TRPA1: variants seen among roughly 807,000 people sequenced by gnomAD.
The protein encoded by TRPA1 is ankyrin-like with transmembrane domains 1.
In TRPA1, 129 loss-of-function variants were observed where a neutral mutation model predicts 131.3. The ratio of observed to expected loss-of-function variants is 0.98; its 90% CI spans 0.85 to 1.14. The LOEUF (loss-of-function observed/expected upper bound fraction) is 1.14. Among genes scored for constraint, TRPA1 ranks in the 50% most tolerant of loss-of-function variants. TRPA1 has a pLI of 0.00. For missense variants in TRPA1, 1,304 were observed against 1,354.2 expected (o/e 0.96, Z 0.58); for synonymous variants, 441 against 451.7 (o/e 0.98, Z 0.30).
chr8:72,036,564 G>A, intron 20 of TRPA1, 107 bp from the exon 21 acceptor site: 1 of 1,100,586 alleles, frequency 9.1e-7, no homozygotes. Context: ...GCAGCCAGCT[G>A]GGGAGAAGTT....
intron 7 of TRPA1, among the ~76,000 whole-genome samples, chr8:72,059,938 A>G (rs1805768329): frequency 6.6e-6 from 1 of 152,156 alleles, no homozygotes; most frequent in Non-Finnish European, 1.5e-5. Flanking sequence ...GAGAACTGAA[A>G]ACATTTTGGT....
Position 72,055,802 on chromosome 8 carries a change from A to G in TRPA1, c.1248T>C (p.Pro416=). Residue 416 remains proline (P), a synonymous_variant, in exon 11 of 27, where the codon CCT becomes CCC. Coordinates refer to ENST00000262209, the MANE Select transcript of TRPA1 (RefSeq NM_007332.3). ...CCCCCTGTCTACATGCATAATGTAG[A>G]GGAGTACACCCATCGTTGTCTTCAT... ...VMDEDNDGCT[P]LHYACRQGGP... is the part of the protein sequence containing the mutation. 1 of 1,613,496 alleles carries G rather than the reference A, an allele frequency of 6.2e-7. No homozygotes were observed. The highest frequency in any genetic ancestry group is 1.3e-5 in the African/African-American group (1 of 75,030).
At chr8:72,064,373 T>C (rs1805881025) in intron 4 of TRPA1, among the ~76,000 whole-genome samples, 1 of 151,828 alleles carries the variant, frequency 6.6e-6, no homozygotes, top group Non-Finnish European at 1.5e-5. Context: ...TATCATACAG[T>C]ATACACATAA....
the TRPA1 span, among the ~76,000 whole-genome samples, chr8:72,086,051 C>G: frequency 6.6e-6 from 1 of 152,078 alleles, no homozygotes; most frequent in South Asian, 2.1e-4. Context: ...CAAGCATCTG[C>G]CACCATGCTC....
Position 72,074,761 on chromosome 8 carries a change from AC to A in TRPA1, c.111+537del, listed in dbSNP as rs1206064832. Among the ~76,000 whole-genome samples the A allele has an allele frequency of 2.6e-5, 4 of 152,158 alleles. No homozygotes were observed. The East Asian group carries it at 7.8e-4, about 29-fold the overall frequency. ...CCCCACAGCGTTTCCTGAAGCTCCT[AC>A]CCCTGGAGAAGGAATTTGCCACTCC... On this transcript the variant is annotated intron_variant, in intron 1 of 26. Transcript: ENST00000262209.
At chr8:72,034,144 G>A in intron 22 of TRPA1, 104 bp downstream of exon 22, 1 of 1,207,916 alleles carries the variant, frequency 8.3e-7, no homozygotes, top group Non-Finnish European at 1.2e-6. Context: ...TTTGAATACT[G>A]TTGTTATGTA....
In TRPA1 at chr8:72,021,620, C is replaced by T. The variant is rs1811394547; in HGVS notation, c.*1286G>A. The T allele has an allele frequency of 6.8e-6, 1 of 146,232 alleles. No individual in the cohort carries two copies. The highest frequency in any genetic ancestry group is 1.5e-5 in the Non-Finnish European group (1 of 66,176). The allele number at this position is 146,232 out of a possible 1,614,324, so 9.1% of individuals were successfully genotyped here. ...TCAGCACTCTGCTGGTTTGTATGAA[C>T]ATCAGTATGTTTGAGAATGAGTGCA... On this transcript the variant is annotated 3_prime_UTR_variant, in exon 27 of 27. Transcript: ENST00000262209.
At chr8:72,066,603 T>C (rs1372933893) in intron 3 of TRPA1, among the ~76,000 whole-genome samples, 2 of 152,176 alleles carry the variant, frequency 1.3e-5, no homozygotes, top group Admixed American at 6.5e-5. Flanking sequence ...CAGATTTTAG[T>C]ACATAAGAAT....
At chr8:72,067,222 C>A (rs1805953443) in intron 3 of TRPA1, among the ~76,000 whole-genome samples, 1 of 152,052 alleles carries the variant, frequency 6.6e-6, no homozygotes, top group Non-Finnish European at 1.5e-5. Flanking sequence ...ACAGGCCGGA[C>A]CATGGGCATA....
At chr8:72,047,895 C>A (rs557080863) in intron 15 of TRPA1, among the ~76,000 whole-genome samples, 2 of 152,136 alleles carry the variant, frequency 1.3e-5, no homozygotes, top group Middle Eastern at 3.4e-3. Context: ...ACTGTGACAA[C>A]TTATTGTTCT....
intron 24 of TRPA1, among the ~76,000 whole-genome samples, chr8:72,026,324 A>T (rs1811608260): frequency 6.6e-6 from 1 of 152,238 alleles, no homozygotes; most frequent in South Asian, 2.1e-4. Flanking sequence ...GAAGTTGCTT[A>T]AAAAAGGAAT....
chr8:72,026,483 C>T (rs989631158), intron 24 of TRPA1, among the ~76,000 whole-genome samples: 11 of 152,120 alleles, frequency 7.2e-5, no homozygotes, highest in Admixed American at 4.6e-4. Flanking sequence ...AGTGTGAATG[C>T]GTGTGTGCAC....
At chr8:72,089,516 T>C in the TRPA1 span, among the ~76,000 whole-genome samples, 238 of 152,222 alleles carry the variant, frequency 1.6e-3, 1 homozygote, top group African/African-American at 5.5e-3. Flanking sequence ...GTATTTATCT[T>C]AAGCAGCTAA....
At position 72,036,115 on chromosome 8, in the gene TRPA1, G is replaced by C. The variant is rs573870047; in HGVS notation, c.2555+173C>G. 4.6e-5 allele frequency among the ~76,000 whole-genome samples: 7 copies of C among 150,924 alleles called. No individual in the cohort carries two copies. In the South Asian group the frequency reaches 1.5e-3, roughly 32 times the overall value. On this transcript the variant is annotated intron_variant, in intron 21 of 26. Coordinates refer to ENST00000262209, the MANE Select transcript of TRPA1 (RefSeq NM_007332.3). The stretch of plus-strand genomic sequence containing the variant: ...TGTGAGAAACCCTGATCTTCATTCT[G>C]AACTCTGGAACCATGCTCCAGCCTT...
chr8:72,082,879 T>A, the TRPA1 span, among the ~76,000 whole-genome samples: 1 of 152,006 alleles, frequency 6.6e-6, no homozygotes, highest in Non-Finnish European at 1.5e-5. Context: ...TCATAATTTC[T>A]TCAAATAATT....
At chr8:72,051,574 A>C (rs1805509872) in intron 14 of TRPA1, among the ~76,000 whole-genome samples, 1 of 152,206 alleles carries the variant, frequency 6.6e-6, no homozygotes, top group South Asian at 2.1e-4. Flanking sequence ...GAACACTTTC[A>C]TTAAAAGTGC....
intron 26 of TRPA1, 129 bp downstream of exon 26, chr8:72,023,685 G>A: frequency 1.6e-6 from 1 of 641,980 alleles, no homozygotes; most frequent in East Asian, 2.8e-5. Flanking sequence ...CAATACACTA[G>A]CTACAGCTAT....
chr8:72,068,520 A>C (rs544218036), intron 3 of TRPA1, among the ~76,000 whole-genome samples: 5 of 152,354 alleles, frequency 3.3e-5, no homozygotes, highest in African/African-American at 1.2e-4. Flanking sequence ...ACAAAAATAG[A>C]GAATCATAAT....
chr8:72,023,955 A>T, intron 25 of TRPA1, 44 bp from the exon 26 acceptor site: 1 of 1,348,190 alleles, frequency 7.4e-7, no homozygotes, highest in East Asian at 2.3e-5. Context: ...AATTCAATTC[A>T]GGAACTTTTT....
Sources: allele counts gnomAD v4.1 joint callset (sites outside exome capture counted in the v4.1 genomes callset), GRCh38; gene constraint gnomAD v4.1.1; transcripts MANE v1.5; gene names NCBI Gene and HGNC (gene_info 2026-07-23, HGNC 2026-07-21).